Variants in DMD observed in about 807,000 individuals in gnomAD.
DMD encodes dystrophin.
A neutral mutation model predicts 330.1 loss-of-function variants in DMD; 63 were observed. That is an observed-to-expected ratio of 0.19 (90% CI 0.16 to 0.24). DMD has a LOEUF of 0.24. Among genes scored for constraint, DMD ranks in the 10% least tolerant of loss-of-function variants. The pLI, the probability that DMD is intolerant of heterozygous loss-of-function variation, is 1.00. For missense variants in DMD, 3,344 were observed against 2,684.1 expected (o/e 1.25, Z -5.43); for synonymous variants, 1,223 against 959.8 (o/e 1.27, Z -5.07).
At chrX:32,040,434 T>C in intron 44 of DMD, among the ~76,000 whole-genome samples, 1 of 112,232 alleles carries the variant, frequency 8.9e-6, no homozygotes, top group East Asian at 2.8e-4. Context: ...AAGAAGGAAA[T>C]AGTTTCATTA....
At chrX:31,619,703 A>G (rs5972420) in intron 55 of DMD, among the ~76,000 whole-genome samples, 52,875 of 110,738 alleles carry the variant, frequency 0.48, 9,558 homozygotes, top group African/African-American at 0.61. Context: ...TCCAATAGTT[A>G]ATTTACAAAG....
chrX:33,072,848 C>T (rs1247563882), intron 1 of DMD, among the ~76,000 whole-genome samples: 1 of 111,461 alleles, frequency 9.0e-6, no homozygotes, highest in East Asian at 2.8e-4. Context: ...GAAAACTGGG[C>T]AGCATAATTT....
chrX:31,647,795 G>C (rs919730237), intron 54 of DMD, among the ~76,000 whole-genome samples: 31 of 112,669 alleles, frequency 2.8e-4, no homozygotes, highest in Non-Finnish European at 5.4e-4. Context: ...TGGACACAGA[G>C]TGATGTAATG....
intron 25 of DMD, among the ~76,000 whole-genome samples, chrX:32,458,351 C>T (rs1446715099): frequency 2.7e-5 from 3 of 111,612 alleles, no homozygotes; most frequent in Non-Finnish European, 5.7e-5. Context: ...TTTAAAGCTA[C>T]ATAATATTCC....
At chrX:31,805,024 T>C (rs894951210) in intron 50 of DMD, among the ~76,000 whole-genome samples, 3 of 110,897 alleles carry the variant, frequency 2.7e-5, no homozygotes, top group Admixed American at 1.9e-4. Flanking sequence ...CCATATTGTA[T>C]CCCTAGAATC....
intron 61 of DMD, 66 bp from the exon 62 acceptor site, chrX:31,323,724 C>CA: frequency 1.0e-6 from 1 of 953,023 alleles, no homozygotes; most frequent in Non-Finnish European, 1.5e-6. Flanking sequence ...GGAAAGACAA[C>CA]ATTAATCTCC....
At chrX:31,310,134 G>A (rs779906083) in intron 62 of DMD, among the ~76,000 whole-genome samples, 190 of 107,327 alleles carry the variant, frequency 1.8e-3, no homozygotes, top group African/African-American at 6.0e-3. Context: ...TCACAGACCT[G>A]CTGTTAATAC....
intron 43 of DMD, among the ~76,000 whole-genome samples, chrX:32,219,114 T>G (rs1179580701): frequency 8.9e-6 from 1 of 112,208 alleles, no homozygotes; most frequent in Non-Finnish European, 1.9e-5. Context: ...ATTCTCTAAC[T>G]GTAGTTAGTG....
chrX:31,762,808 T>A (rs2089710791), intron 51 of DMD, among the ~76,000 whole-genome samples: 1 of 110,883 alleles, frequency 9.0e-6, no homozygotes, highest in Non-Finnish European at 1.9e-5. Context: ...AAAAAAAAAA[T>A]CCTTTAATTT....
At chrX:32,859,874 T>C (rs12560020) in intron 2 of DMD, among the ~76,000 whole-genome samples, 13,474 of 111,268 alleles carry the variant, frequency 0.12, 708 homozygotes, top group Admixed American at 0.23. Flanking sequence ...AGAACTATTT[T>C]GTGAAGCACA....
intron 11 of DMD, among the ~76,000 whole-genome samples, chrX:32,637,841 C>G (rs766490921): frequency 1.8e-5 from 2 of 111,913 alleles, no homozygotes; most frequent in Non-Finnish European, 3.8e-5. Flanking sequence ...CCAGGTCCCT[C>G]CCACAACACA....
At chrX:32,396,770 A>C (rs1468707343) in intron 30 of DMD, among the ~76,000 whole-genome samples, 1 of 111,710 alleles carries the variant, frequency 9.0e-6, no homozygotes, top group African/African-American at 3.2e-5. Context: ...GCTGTAAAAC[A>C]TGCATGACAC....
At chrX:32,747,081 T>A (rs950970035) in intron 7 of DMD, among the ~76,000 whole-genome samples, 1 of 112,265 alleles carries the variant, frequency 8.9e-6, no homozygotes, top group Admixed American at 9.5e-5. Context: ...ATATGCCATA[T>A]TTTTAAATTC....
chrX:33,153,620 T>A (rs748950764), intron 1 of DMD, among the ~76,000 whole-genome samples: 1 of 112,843 alleles, frequency 8.9e-6, no homozygotes, highest in African/African-American at 3.2e-5. Flanking sequence ...AGATTTAATA[T>A]TGAAATATAT....
intron 2 of DMD, among the ~76,000 whole-genome samples, chrX:32,943,295 G>A (rs186415421): frequency 9.0e-6 from 1 of 111,288 alleles, no homozygotes; most frequent in Non-Finnish European, 1.9e-5. Context: ...AATAAGCATT[G>A]TACACTTTTT....
intron 44 of DMD, among the ~76,000 whole-genome samples, chrX:32,190,368 T>C (rs5972503): frequency 0.038 from 4,163 of 108,329 alleles, 220 homozygotes; most frequent in African/African-American, 0.13. Context: ...ACATATGTTT[T>C]GTGCAATGCT....
chrX:31,396,509 C>T (rs1236173875), intron 60 of DMD, among the ~76,000 whole-genome samples: 1 of 108,087 alleles, frequency 9.3e-6, no homozygotes, highest in Non-Finnish European at 1.9e-5. Context: ...ACTGATCTCA[C>T]CCATACGTCA....
At chrX:31,992,272 A>C in intron 44 of DMD, among the ~76,000 whole-genome samples, 1 of 112,135 alleles carries the variant, frequency 8.9e-6, no homozygotes, top group Middle Eastern at 4.7e-3. Context: ...TTAAAGAATA[A>C]ACTGGCTTAT....
At chrX:31,187,869 C>A (rs771891397) in intron 67 of DMD, among the ~76,000 whole-genome samples, 1 of 110,140 alleles carries the variant, frequency 9.1e-6, no homozygotes, top group Non-Finnish European at 1.9e-5. Flanking sequence ...GGGCCTGTGA[C>A]CAGCTGTTCG....
Sources: allele counts gnomAD v4.1 joint callset (sites outside exome capture counted in the v4.1 genomes callset), GRCh38; gene constraint gnomAD v4.1.1; transcripts MANE v1.5; gene names NCBI Gene and HGNC (gene_info 2026-07-23, HGNC 2026-07-21).